The following ERGIC1 variants were observed in gnomAD, a reference collection of about 807,000 sequenced individuals.
ERGIC1 encodes the protein endoplasmic reticulum-golgi intermediate compartment 1, also known as endoplasmic reticulum-Golgi intermediate compartment protein 1.
A neutral mutation model predicts 38.3 loss-of-function variants in ERGIC1; 19 were observed. That is an observed-to-expected ratio of 0.50 (90% confidence interval 0.35 to 0.73). ERGIC1 has a LOEUF of 0.73. ERGIC1 is among the 30% of genes least tolerant of loss of function. ERGIC1 has a pLI of 0.01. For missense variants in ERGIC1, 294 were observed against 389.2 expected, an observed-to-expected ratio of 0.76 and a Z score of 2.06; for synonymous variants, 124 against 157.6, an observed-to-expected ratio of 0.79 and a Z score of 1.60.
At chr5:172,928,073 C>G (rs13359108) in intron 7 of ERGIC1, among the ~76,000 whole-genome samples, 1 of 151,870 alleles carries the variant, frequency 6.6e-6, no homozygotes, top group African/African-American at 2.4e-5. Flanking sequence ...GGTGTGGTGC[C>G]GTGGTCATTG....
At chr5:172,905,257 T>C (rs1762987452) in intron 3 of ERGIC1, 2 of 285,490 alleles carry the variant, frequency 7.0e-6, no homozygotes, top group Admixed American at 7.6e-5. Context: ...AGGCTCTCCT[T>C]AGTTGACTGT....
At chr5:172,881,534 T>C (rs1762283901) in intron 1 of ERGIC1, among the ~76,000 whole-genome samples, 1 of 152,222 alleles carries the variant, frequency 6.6e-6, no homozygotes, top group Admixed American at 6.5e-5. Flanking sequence ...GAGTGTTTCT[T>C]AAATAATAAA....
intron 1 of ERGIC1, among the ~76,000 whole-genome samples, chr5:172,883,008 C>T (rs1762322739): frequency 6.6e-6 from 1 of 152,184 alleles, no homozygotes; most frequent in Non-Finnish European, 1.5e-5. Context: ...TCATAGCTCA[C>T]TGTAGCCTCA....
At chr5:172,908,172 C>T (rs66823211) in intron 3 of ERGIC1, among the ~76,000 whole-genome samples, 25,466 of 150,462 alleles carry the variant, frequency 0.17, 2,429 homozygotes, top group Non-Finnish European at 0.21. Flanking sequence ...TTAAGGATCT[C>T]GAGATGGGGA....
At chr5:172,836,228 C>T (rs143769707) in intron 1 of ERGIC1, among the ~76,000 whole-genome samples, 2 of 152,262 alleles carry the variant, frequency 1.3e-5, no homozygotes, top group African/African-American at 2.4e-5. Context: ...ACCTTGTGCT[C>T]CTTGAATTGG....
At position 172,889,949 on chromosome 5, in the gene ERGIC1, G is replaced by A. The variant is rs146810689; in HGVS notation, c.82+1189G>A. On this transcript the variant is annotated intron_variant, in intron 2 of 9. Coordinates refer to ENST00000393784, the MANE Select transcript of ERGIC1 (RefSeq NM_001031711.3). ...GGTTTTCAGATTTGGGATACTCAAC[G>A]TGTATGTAGCTATTCTCCCATCCAG... Among the ~76,000 whole-genome samples the A allele has an allele frequency of 4.8e-4, 73 of 152,306 alleles. 1 individual carries two copies. Among genetic ancestry groups the A allele is most frequent in the African/African-American group, 1.6e-3 (65 of 41,556 alleles).
intron 5 of ERGIC1, chr5:172,915,814 C>G (rs1356368482): frequency 1.6e-5 from 6 of 368,026 alleles, no homozygotes; most frequent in Admixed American, 3.4e-5. Context: ...CTGGCTTCTC[C>G]TTGTCCCTCC....
rs1760979856 is a variant in ERGIC1 at position 172,834,497 on chromosome 5, G to A, written c.20+64G>A. Reference sequence around the variant, plus strand: ...GCGGGCAGAGGGAGCGCCCCGGCACGCCGCGGACCCCTCCCGCCCTGCATG... The same window carrying A: ...GCGGGCAGAGGGAGCGCCCCGGCACACCGCGGACCCCTCCCGCCCTGCATG... On this transcript the variant is annotated intron_variant, in intron 1 of 9. Coordinates refer to ENST00000393784, the MANE Select transcript of ERGIC1 (RefSeq NM_001031711.3). This position sits in a 1 kb window ranked among gnomAD's most constrained non-coding sequence, Gnocchi z 4.1. The A allele has an allele frequency of 7.9e-7, 1 of 1,260,540 alleles. No homozygotes were observed. The highest frequency in any genetic ancestry group is 1.0e-6 in the Non-Finnish European group (1 of 999,488). 78.1% of individuals were successfully genotyped at this position (1,260,540 alleles called of 1,614,324 possible). A position where few individuals can be genotyped will look rare whatever the true frequency, so the allele number is the denominator to read the frequency against.
At chr5:172,919,525 G>C (rs1763456811) in intron 5 of ERGIC1, among the ~76,000 whole-genome samples, 1 of 152,224 alleles carries the variant, frequency 6.6e-6, no homozygotes, top group African/African-American at 2.4e-5. Flanking sequence ...CCCCCAGCCA[G>C]CTCTGGGTGA....
intron 4 of ERGIC1, among the ~76,000 whole-genome samples, chr5:172,911,251 C>T (rs888987121): frequency 6.6e-6 from 1 of 152,226 alleles, no homozygotes; most frequent in African/African-American, 2.4e-5. Context: ...CGCTGGGCCC[C>T]AAGCCAGGGA....
At chr5:172,897,298 G>A (rs550251866) in intron 3 of ERGIC1, among the ~76,000 whole-genome samples, 9 of 152,022 alleles carry the variant, frequency 5.9e-5, no homozygotes, top group South Asian at 2.1e-4. Context: ...GCGTGGTGGC[G>A]GGCACCTATA....
At chr5:172,860,205 T>C (rs1315209449) in intron 1 of ERGIC1, among the ~76,000 whole-genome samples, 2 of 152,126 alleles carry the variant, frequency 1.3e-5, no homozygotes, top group South Asian at 2.1e-4. Context: ...TGCGCTCAAG[T>C]GGGCTCATCA....
intron 1 of ERGIC1, among the ~76,000 whole-genome samples, chr5:172,862,073 C>G (rs1561706291): frequency 6.6e-6 from 1 of 151,468 alleles, no homozygotes. Flanking sequence ...CTCGCTGCAA[C>G]CTCCGCCTCC....
chr5:172,922,733 G>A (rs568898062), intron 5 of ERGIC1, among the ~76,000 whole-genome samples: 1 of 152,360 alleles, frequency 6.6e-6, no homozygotes, highest in South Asian at 2.1e-4. Context: ...TGTGGCCTGT[G>A]GGCCACCACG....
chr5:172,942,771 G>A (rs1764039570), intron 9 of ERGIC1, among the ~76,000 whole-genome samples: 1 of 152,218 alleles, frequency 6.6e-6, no homozygotes, highest in Non-Finnish European at 1.5e-5. Flanking sequence ...AGGTTCGGAG[G>A]CGGAAGAGGA....
intron 1 of ERGIC1, among the ~76,000 whole-genome samples, chr5:172,857,878 A>C (rs1051438414): frequency 1.3e-5 from 2 of 151,814 alleles, no homozygotes; most frequent in Admixed American, 1.3e-4. Flanking sequence ...TCATTCGCTC[A>C]TTCATTCATA....
chr5:172,896,560 G>A (rs532446243), intron 2 of ERGIC1, among the ~76,000 whole-genome samples: 13 of 152,270 alleles, frequency 8.5e-5, no homozygotes, highest in African/African-American at 2.6e-4. Flanking sequence ...CCGACCCTCC[G>A]TGGGAACAAG....
chr5:172,929,447 G>C (rs1412190077), intron 7 of ERGIC1, among the ~76,000 whole-genome samples: 1 of 152,316 alleles, frequency 6.6e-6, no homozygotes, highest in Non-Finnish European at 1.5e-5. Context: ...GCAGTCTCTA[G>C]GAATGGTCAG....
intron 1 of ERGIC1, among the ~76,000 whole-genome samples, chr5:172,872,162 G>C (rs1219911517): frequency 6.6e-6 from 1 of 151,912 alleles, no homozygotes; most frequent in Non-Finnish European, 1.5e-5. Context: ...GGGCCTCAGG[G>C]GGCCATGAAG....
Sources: gnomAD v4.1 joint callset for allele counts (sites outside exome capture counted in the v4.1 genomes callset) on GRCh38, gnomAD v4.1.1 for gene constraint, Gnocchi (gnomAD v3.1) non-coding constraint, MANE v1.5 for transcripts, NCBI Gene and HGNC (gene_info 2026-07-23, HGNC 2026-07-21) for gene names.